Variants in PDE4B observed in about 807,000 individuals in gnomAD.
PDE4B encodes the protein 3',5'-cyclic-AMP phosphodiesterase 4B.
Under a neutral mutation model 82.2 loss-of-function variants are expected in PDE4B, and 20 were observed. The observed-to-expected ratio is 0.24, with a 90% CI of 0.17 to 0.35. PDE4B has a LOEUF of 0.35. PDE4B is among the 10% of genes least tolerant of loss of function. The pLI is 1.00. For missense variants in PDE4B, 655 were observed against 907.2 expected (o/e 0.72, Z 3.57); for synonymous variants, 320 against 318.9 (o/e 1.00, Z -0.04).
chr1:65,832,992 T>G (rs1646100010), intron 1 of PDE4B, among the ~76,000 whole-genome samples: 1 of 152,196 alleles, frequency 6.6e-6, no homozygotes, highest in Non-Finnish European at 1.5e-5. Context: ...TAATGTGACT[T>G]TCTATGATGA....
At chr1:66,047,504 C>T (rs1440768522) in intron 3 of PDE4B, among the ~76,000 whole-genome samples, 1 of 151,844 alleles carries the variant, frequency 6.6e-6, no homozygotes, top group Non-Finnish European at 1.5e-5. Context: ...AGCTACTATA[C>T]CAGGTATGCT....
chr1:65,901,008 GA>G (rs1481888390), intron 1 of PDE4B, among the ~76,000 whole-genome samples: 2 of 152,086 alleles, frequency 1.3e-5, no homozygotes, highest in Non-Finnish European at 2.9e-5. Context: ...AGAGTAGTGA[GA>G]GTGGGAATCC....
intron 1 of PDE4B, among the ~76,000 whole-genome samples, chr1:65,831,978 G>C (rs1050959542): frequency 1.3e-5 from 2 of 152,146 alleles, no homozygotes; most frequent in Non-Finnish European, 2.9e-5. Context: ...AACTTCTGTT[G>C]TGACCCCTGG....
At chr1:65,853,018 C>A (rs1351803326) in intron 1 of PDE4B, among the ~76,000 whole-genome samples, 2 of 151,884 alleles carry the variant, frequency 1.3e-5, no homozygotes, top group African/African-American at 4.8e-5. Flanking sequence ...TAGCTATTTT[C>A]CTTTTCAGTT....
chr1:66,033,702 C>T lies in PDE4B; in HGVS notation c.281+114867C>T, dbSNP rs557700486. On this transcript the variant is annotated intron_variant, in intron 3 of 16. Transcript: ENST00000341517. ...AAGTGTGTCAAGCAAAAGTAGACAG[C>T]AGCACCAAATTGAAAAAAAAAAAAA... is the stretch of plus-strand genomic sequence containing the variant. Among the ~76,000 whole-genome samples the T allele has an allele frequency of 2.4e-4, 32 of 133,190 alleles. No homozygotes were observed. In the South Asian group the frequency reaches 7.4e-3, roughly 31 times the overall value. The allele number at this position is 133,190 out of a possible 152,430, so 87.4% of individuals were successfully genotyped here.
At chr1:66,026,454 C>T (rs1445163391) in intron 3 of PDE4B, among the ~76,000 whole-genome samples, 1 of 152,164 alleles carries the variant, frequency 6.6e-6, no homozygotes, top group African/African-American at 2.4e-5. Context: ...GGCTTGAAGT[C>T]AGATTCTTTG....
chr1:66,200,244 T>C (rs1347588584), intron 3 of PDE4B, among the ~76,000 whole-genome samples: 1 of 152,230 alleles, frequency 6.6e-6, no homozygotes. Context: ...TTTTGGTTAC[T>C]GTAGCCTTAT....
intron 3 of PDE4B, among the ~76,000 whole-genome samples, chr1:66,141,415 C>T (rs1370755559): frequency 1.4e-5 from 2 of 141,958 alleles, no homozygotes; most frequent in African/African-American, 5.3e-5. Context: ...GCAAAGTTTC[C>T]CGAAGATGAC....
chr1:65,955,276 T>G (rs1188378621), intron 3 of PDE4B, among the ~76,000 whole-genome samples: 1 of 152,124 alleles, frequency 6.6e-6, no homozygotes, highest in Admixed American at 6.6e-5. Context: ...TAAAGACCTT[T>G]TGTTCTGAGG....
intron 3 of PDE4B, among the ~76,000 whole-genome samples, chr1:66,037,224 G>T (rs1313085410): frequency 1.3e-5 from 2 of 151,826 alleles, no homozygotes; most frequent in African/African-American, 4.8e-5. Flanking sequence ...AGGTCACTTT[G>T]GGTAATATGG....
At chr1:65,792,795 C>T (rs1341391961), upstream of PDE4B, among the ~76,000 whole-genome samples, 1 of 151,820 alleles carries the variant, frequency 6.6e-6, no homozygotes, top group African/African-American at 2.4e-5. Context: ...TTCCCCGCAC[C>T]CGGCTGAGGA....
intron 3 of PDE4B, among the ~76,000 whole-genome samples, chr1:66,053,304 C>T (rs1458852871): frequency 6.6e-6 from 1 of 152,166 alleles, no homozygotes; most frequent in Non-Finnish European, 1.5e-5. Flanking sequence ...ATTTAAGCCT[C>T]AATCTATGAA....
At chr1:65,858,986 A>T (rs561572825) in intron 1 of PDE4B, among the ~76,000 whole-genome samples, 1 of 152,168 alleles carries the variant, frequency 6.6e-6, no homozygotes, top group Non-Finnish European at 1.5e-5. Context: ...ATGAATTCTT[A>T]TGTTTTCTTC....
Position 66,355,840 on chromosome 1 carries a change from G to C in PDE4B, c.841+220G>C, listed in dbSNP as rs186422764. Among the ~76,000 whole-genome samples, 32 of 152,222 alleles carry C rather than the reference G, an allele frequency of 2.1e-4. No individual in the cohort carries two copies. In the East Asian group the frequency reaches 5.6e-3, roughly 27 times the overall value. On this transcript the variant is annotated intron_variant, in intron 9 of 16. Coordinates refer to ENST00000341517, the MANE Select transcript of PDE4B (RefSeq NM_002600.4). ...ATTAAAATACCCATCCAAGACAGAG[G>C]GTTATTATGGGCTAATTGTATTTAA...
chr1:66,032,356 A>G (rs1653824785), intron 3 of PDE4B, among the ~76,000 whole-genome samples: 1 of 152,204 alleles, frequency 6.6e-6, no homozygotes, highest in South Asian at 2.1e-4. Flanking sequence ...ATTTCAAATT[A>G]TAATCCTAGG....
chr1:66,032,071 C>T (rs1296802473), intron 3 of PDE4B, among the ~76,000 whole-genome samples: 1 of 152,218 alleles, frequency 6.6e-6, no homozygotes, highest in African/African-American at 2.4e-5. Context: ...TGAACCTCAC[C>T]ATCAACTAGG....
At chr1:66,280,232 G>C (rs932563501) in intron 7 of PDE4B, among the ~76,000 whole-genome samples, 2 of 152,248 alleles carry the variant, frequency 1.3e-5, no homozygotes, top group African/African-American at 4.8e-5. Context: ...AAGACCAGAA[G>C]CGCAAGCTAT....
chr1:65,901,585 A>T lies in PDE4B; in HGVS notation c.-70-11660A>T, dbSNP rs184348239. Reference sequence around the variant, plus strand: ...ATTACTGATTCAATTTCAAAACTTGATATTGGTCTATTCAGAGTTTCAATT... The same window carrying T: ...ATTACTGATTCAATTTCAAAACTTGTTATTGGTCTATTCAGAGTTTCAATT... On this transcript the variant is annotated intron_variant, in intron 1 of 16. Coordinates refer to ENST00000341517, the MANE Select transcript of PDE4B (RefSeq NM_002600.4). Among the ~76,000 whole-genome samples the T allele has an allele frequency of 7.7e-4, 117 of 152,082 alleles. 1 individual carries two copies. The highest frequency in any genetic ancestry group is 2.7e-3 in the African/African-American group (111 of 41,524).
At chr1:66,242,480 G>C (rs975155079) in intron 3 of PDE4B, among the ~76,000 whole-genome samples, 2 of 152,172 alleles carry the variant, frequency 1.3e-5, no homozygotes, top group Non-Finnish European at 2.9e-5. Flanking sequence ...AGCCAAAGAG[G>C]TTCACCTAGA....
Sources: gnomAD v4.1 joint callset for allele counts (sites outside exome capture counted in the v4.1 genomes callset) on GRCh38, gnomAD v4.1.1 for gene constraint, MANE v1.5 for transcripts, NCBI Gene and HGNC (gene_info 2026-07-23, HGNC 2026-07-21) for gene names.